Variants in DDX60 observed in about 807,000 individuals in gnomAD.
DDX60 encodes DExD/H-box helicase 60, also known as probable ATP-dependent RNA helicase DDX60.
Under a neutral mutation model 212.8 loss-of-function variants are expected in DDX60, and 165 were observed. That is an observed-to-expected ratio of 0.78 (90% CI 0.68 to 0.88). The LOEUF (loss-of-function observed/expected upper bound fraction) is 0.88. Among genes scored for constraint, DDX60 ranks in the 40% least tolerant of loss-of-function variants. The probability of loss-of-function intolerance (pLI) is 0.00; values close to 1 mark genes in which losing one functional copy is unlikely to be tolerated. For missense variants in DDX60, 1,905 were observed against 2,003.9 expected (o/e 0.95, Z 0.94); for synonymous variants, 703 against 685.3 (o/e 1.03, Z -0.40).
At position 168,273,939 on chromosome 4, in the gene DDX60, T is replaced by A. The variant is rs1735213542; in HGVS notation, c.2449A>T (p.Thr817Ser). The A allele has an allele frequency of 1.2e-6, 2 of 1,613,506 alleles. No homozygotes were observed. The highest frequency in any genetic ancestry group is 4.5e-5 in the East Asian group (2 of 44,876). Reference protein sequence around the residue: ...DDGVVVYVAPTKALVNQVAAT... With the variant: ...DDGVVVYVAPSKALVNQVAAT... ...TATAGTCACTTGAGCACTACCTTTGTGGGTGCAACGTACACGACCACCCCG... is the reference window on the plus strand; with the variant it reads ...TATAGTCACTTGAGCACTACCTTTGAGGGTGCAACGTACACGACCACCCCG... The change falls in exon 17 of 38, where the codon ACA becomes TCA. Residue 817 changes from threonine to serine, a missense_variant. Physicochemically the swap from Thr to Ser is moderately conservative, Grantham distance 58. Coordinates refer to ENST00000393743, the MANE Select transcript of DDX60 (RefSeq NM_017631.6).
intron 13 of DDX60, among the ~76,000 whole-genome samples, chr4:168,282,196 G>A (rs1248824101): frequency 6.6e-6 from 1 of 152,192 alleles, no homozygotes; most frequent in Admixed American, 6.5e-5. Flanking sequence ...AGATGGGACA[G>A]CCCAACTGCT....
chr4:168,251,865 T>C (rs904296860), intron 27 of DDX60, among the ~76,000 whole-genome samples: 2 of 152,150 alleles, frequency 1.3e-5, no homozygotes, highest in African/African-American at 4.8e-5. Context: ...AGATAAAAGG[T>C]TGGTCTGGAA....
chr4:168,299,159 A>C (rs1736540321), intron 6 of DDX60, among the ~76,000 whole-genome samples: 1 of 37,198 alleles, frequency 2.7e-5, no homozygotes, highest in Admixed American at 2.4e-4. Flanking sequence ...GACTGTCTCA[A>C]AAAAAAAAAA....
chr4:168,296,693 A>G (rs758436085), intron 6 of DDX60, among the ~76,000 whole-genome samples: 24 of 152,094 alleles, frequency 1.6e-4, no homozygotes, highest in Non-Finnish European at 3.2e-4. Flanking sequence ...AAGAAAGTAC[A>G]TAGAGAGCTA....
intron 2 of DDX60, 30 bp from the exon 3 acceptor site, chr4:168,311,097 A>G: frequency 6.8e-7 from 1 of 1,470,604 alleles, no homozygotes; most frequent in Non-Finnish European, 9.4e-7. Context: ...GAGAAAGAGA[A>G]TGGGTTATTT....
At chr4:168,229,178 G>A (rs890399862) in intron 33 of DDX60, among the ~76,000 whole-genome samples, 2 of 152,054 alleles carry the variant, frequency 1.3e-5, no homozygotes, top group Non-Finnish European at 2.9e-5. Flanking sequence ...CAGGCAAGCT[G>A]AAAAACTGTG....
intron 36 of DDX60, 97 bp from the exon 37 acceptor site, chr4:168,220,814 T>C (rs1366047731): frequency 1.3e-5 from 8 of 621,166 alleles, no homozygotes; most frequent in Non-Finnish European, 1.7e-5. Flanking sequence ...GAGGTTGCTT[T>C]TGTCTGTCAA....
At chr4:168,318,853 A>T (rs1425902473), upstream of DDX60, 1 of 152,240 alleles carries the variant, frequency 6.6e-6, no homozygotes, top group Non-Finnish European at 1.5e-5. Context: ...TTCAGCACGA[A>T]TTAGGCGAGG....
intron 12 of DDX60, among the ~76,000 whole-genome samples, chr4:168,284,316 G>A (rs936404860): frequency 3.3e-5 from 5 of 152,108 alleles, no homozygotes; most frequent in Middle Eastern, 3.2e-3. Flanking sequence ...CAACTCTAAC[G>A]GGGCTGGGGG....
chr4:168,280,574 A>T lies in DDX60; in HGVS notation c.1739T>A (p.Ile580Lys). The T allele has an allele frequency of 6.2e-7, 1 of 1,611,114 alleles. No homozygotes were observed. The highest frequency in any genetic ancestry group is 8.5e-7 in the Non-Finnish European group (1 of 1,179,180). Reference sequence around the variant, plus strand: ...CCTTTTCTTATTCTCTCTAGCAATTATTTCAGCCTTGGTCTCCTGCCCCAA... The same window carrying T: ...CCTTTTCTTATTCTCTCTAGCAATTTTTTCAGCCTTGGTCTCCTGCCCCAA... ...SKKAHETKAE[I>K]IARENKKRLF... is the part of the protein sequence containing the mutation. The change falls in exon 14 of 38, where the codon ATA (isoleucine) becomes AAA (lysine). Residue 580 changes from isoleucine to lysine, a missense_variant. Physicochemically the swap from Ile to Lys is moderately radical, Grantham distance 102. Coordinates refer to ENST00000393743, the MANE Select transcript of DDX60 (RefSeq NM_017631.6).
chr4:168,221,881 C>T lies in DDX60; in HGVS notation c.4825G>A (p.Val1609Ile), dbSNP rs137929660. The change falls in exon 36 of 38, where the codon GTT (valine) becomes ATT (isoleucine). Residue 1609 changes from valine (V) to isoleucine (I), a missense_variant and splice_region_variant. Physicochemically the swap from Val to Ile is conservative, Grantham distance 29. Transcript: ENST00000393743. ...DLLRLETPNH[V>I]TLGTIGVNRS... is the part of the protein sequence containing the mutation. ...TTGACACCGATTGTGCCTAGAGTAA[C>T]CTGAAAAAATACGATTATTCTTAAT... 1.2e-6 allele frequency: 2 copies of T among 1,606,312 alleles called. No homozygotes were observed. Among genetic ancestry groups the T allele is most frequent in the Non-Finnish European group, 1.7e-6 (2 of 1,175,318 alleles).
intron 10 of DDX60, among the ~76,000 whole-genome samples, chr4:168,286,428 A>ACACAACAC (rs1735859108): frequency 4.3e-5 from 2 of 46,490 alleles, no homozygotes; most frequent in South Asian, 1.3e-3. Flanking sequence ...CACACGAGAT[A>ACACAACAC]GATAGATAGA....
chr4:168,269,978 G>T (rs1415199946), intron 19 of DDX60, among the ~76,000 whole-genome samples: 1 of 152,122 alleles, frequency 6.6e-6, no homozygotes, highest in African/African-American at 2.4e-5. Context: ...CTGACACTCT[G>T]CCAGGACTGC....
chr4:168,268,180 T>C (rs757715852), intron 20 of DDX60, among the ~76,000 whole-genome samples, 197 bp from the exon 21 acceptor site: 38 of 152,316 alleles, frequency 2.5e-4, no homozygotes, highest in Middle Eastern at 6.8e-3. Flanking sequence ...ACTTCATCTT[T>C]CTGTACCTAG....
intron 30 of DDX60, among the ~76,000 whole-genome samples, chr4:168,238,008 T>C (rs567373876): frequency 4.9e-4 from 75 of 152,142 alleles, no homozygotes; most frequent in African/African-American, 1.7e-3. Context: ...ATGAAACGTA[T>C]TGCCAAACAG....
intron 33 of DDX60, 60 bp from the exon 34 acceptor site, chr4:168,225,736 G>T (rs186725848): frequency 3.4e-6 from 5 of 1,487,994 alleles, no homozygotes; most frequent in Non-Finnish European, 4.6e-6. Flanking sequence ...AAACTGAATC[G>T]TTGGAAGAAG....
chr4:168,310,898 T>C (rs1737099500), intron 3 of DDX60, 100 bp downstream of exon 3: 4 of 655,888 alleles, frequency 6.1e-6, no homozygotes, highest in Non-Finnish European at 1.1e-5. Context: ...GCCCCTACAT[T>C]GTTCAATGGT....
chr4:168,225,774 C>A, intron 33 of DDX60, 98 bp from the exon 34 acceptor site: 2 of 1,026,184 alleles, frequency 1.9e-6, no homozygotes, highest in East Asian at 2.8e-5. Flanking sequence ...CAATATAATT[C>A]TATAGTTATC....
In DDX60 at chr4:168,246,833, G is replaced by A. The variant is rs568291917; in HGVS notation, c.3964-215C>T. 7.2e-5 allele frequency among the ~76,000 whole-genome samples: 11 copies of A among 152,228 alleles called. No homozygotes were observed. In the South Asian group the frequency reaches 1.5e-3, roughly 20 times the overall value. On this transcript the variant is annotated intron_variant, in intron 29 of 37. Transcript: ENST00000393743. The stretch of plus-strand genomic sequence containing the variant: ...TGAGACATCTGTCATCATTACGTAC[G>A]TATTTCATGCCATTAATTGCAGTAG...
Sources: gnomAD v4.1 joint callset for allele counts (sites outside exome capture counted in the v4.1 genomes callset) on GRCh38, gnomAD v4.1.1 for gene constraint, MANE v1.5 for transcripts, NCBI Gene and HGNC (gene_info 2026-07-23, HGNC 2026-07-21) for gene names.